Variants in IL21R observed in about 807,000 individuals in gnomAD.
The protein encoded by IL21R is interleukin-21 receptor.
A neutral mutation model predicts 41.3 loss-of-function variants in IL21R; 14 were observed. That is an observed-to-expected ratio of 0.34 (90% CI 0.22 to 0.53). IL21R has a LOEUF of 0.53. IL21R is among the 20% of genes least tolerant of loss of function. The probability of loss-of-function intolerance (pLI) is 0.94; values close to 1 mark genes in which losing one functional copy is unlikely to be tolerated. For missense variants in IL21R, 588 were observed against 681.6 expected, an observed-to-expected ratio of 0.86 and a Z score of 1.53; for synonymous variants, 286 against 287.6, an observed-to-expected ratio of 0.99 and a Z score of 0.05.
intron 1 of IL21R, among the ~76,000 whole-genome samples, chr16:27,425,215 G>A (rs1189286480): frequency 6.6e-6 from 1 of 152,150 alleles, no homozygotes; most frequent in Non-Finnish European, 1.5e-5. Context: ...ACACATGGTG[G>A]CCCGATCTGT....
At chr16:27,441,132 A>T (rs2087382443) in intron 4 of IL21R, among the ~76,000 whole-genome samples, 1 of 151,668 alleles carries the variant, frequency 6.6e-6, no homozygotes, top group African/African-American at 2.4e-5. Context: ...AGGAAGGAGA[A>T]CAAAAAAAGA....
chr16:27,434,294 C>T, intron 2 of IL21R, 53 bp from the exon 3 acceptor site: 2 of 1,159,612 alleles, frequency 1.7e-6, no homozygotes, highest in Admixed American at 1.7e-5. Flanking sequence ...AGAGGAAGCT[C>T]TGCAGTCCCA....
chr16:27,442,356 T>C (rs2087403749), intron 4 of IL21R, among the ~76,000 whole-genome samples: 1 of 152,088 alleles, frequency 6.6e-6, no homozygotes, highest in Admixed American at 6.6e-5. Flanking sequence ...TTTAACTCTT[T>C]TATTTATTTA....
At chr16:27,436,133 C>T (rs762277844) in intron 3 of IL21R, among the ~76,000 whole-genome samples, 2 of 152,240 alleles carry the variant, frequency 1.3e-5, no homozygotes, top group African/African-American at 4.8e-5. Flanking sequence ...CCACACAGGT[C>T]GCCCATGGTT....
intron 1 of IL21R, among the ~76,000 whole-genome samples, chr16:27,429,084 C>T (rs755959533): frequency 9.2e-5 from 14 of 152,130 alleles, no homozygotes; most frequent in South Asian, 4.2e-4. Context: ...ATTAGCCAGG[C>T]GTGGTGGCGG....
intron 1 of IL21R, among the ~76,000 whole-genome samples, chr16:27,408,618 T>G (rs1348457251): frequency 6.6e-6 from 1 of 152,100 alleles, no homozygotes; most frequent in African/African-American, 2.4e-5. Flanking sequence ...TAGGAGTTCT[T>G]TCTTCTGTGT....
At chr16:27,442,365 T>C (rs918097772) in intron 4 of IL21R, among the ~76,000 whole-genome samples, 2 of 152,110 alleles carry the variant, frequency 1.3e-5, no homozygotes, top group Non-Finnish European at 2.9e-5. Flanking sequence ...TTTATTTATT[T>C]ATTTTTGTTC....
chr16:27,418,516 G>C (rs375598032), intron 1 of IL21R, among the ~76,000 whole-genome samples: 17 of 151,928 alleles, frequency 1.1e-4, no homozygotes, highest in South Asian at 2.1e-4. Context: ...CTACAGGTGC[G>C]CGCCACCACG....
Position 27,449,438 on chromosome 16 carries a change from A to G in IL21R, c.*155A>G, listed in dbSNP as rs1596601367. 17 of 709,988 alleles carry G rather than the reference A, an allele frequency of 2.4e-5. No homozygotes were observed. In the East Asian group the frequency reaches 4.1e-4, roughly 17 times the overall value. The allele number at this position is 709,988 out of a possible 1,614,324, so 44.0% of individuals were successfully genotyped here. On this transcript the variant is annotated 3_prime_UTR_variant, in exon 9 of 9. Transcript: ENST00000337929. Reference sequence around the variant, plus strand: ...ACAGTGTCTGTGTGTGTGTGTGCATATGTGTGTGTGTGCATATGCATGTGT... The same window carrying G: ...ACAGTGTCTGTGTGTGTGTGTGCATGTGTGTGTGTGTGCATATGCATGTGT...
chr16:27,417,468 A>G (rs916322607), intron 1 of IL21R, among the ~76,000 whole-genome samples: 2 of 152,186 alleles, frequency 1.3e-5, no homozygotes, highest in African/African-American at 2.4e-5. Flanking sequence ...CATCTGGTCA[A>G]TTCTTTTCAC....
intron 4 of IL21R, among the ~76,000 whole-genome samples, chr16:27,440,248 T>TATAGAGAGAGAGAGAG (rs1352160946): frequency 3.0e-4 from 19 of 64,038 alleles, no homozygotes; most frequent in African/African-American, 6.1e-4. Context: ...TATATATATA[T>TATAGAGAGAGAGAGAG]AGAGAGAGAG....
At chr16:27,433,969 C>T (rs1055390845) in intron 2 of IL21R, among the ~76,000 whole-genome samples, 2 of 152,114 alleles carry the variant, frequency 1.3e-5, no homozygotes, top group African/African-American at 4.8e-5. Flanking sequence ...TGGCTGGGTT[C>T]CTACCACATC....
In IL21R at chr16:27,442,139, C is replaced by T. The variant is rs114569254; in HGVS notation, c.353-823C>T. Among the ~76,000 whole-genome samples the T allele has an allele frequency of 2.1e-3, 327 of 152,138 alleles. 3 individuals are homozygous for T. Among genetic ancestry groups the T allele is most frequent in the African/African-American group, 6.9e-3 (285 of 41,508 alleles). On this transcript the variant is annotated intron_variant, in intron 4 of 8. Transcript: ENST00000337929. ...CAGGGTTTCAGATTTCATGTGTGTG[C>T]GTGTGCATTTGTGTGTGTGCATGCT...
Position 27,434,420 on chromosome 16 carries a change from C to T in IL21R, c.123C>T (p.Asn41=), listed in dbSNP as rs1436476558. 1.2e-6 allele frequency: 2 copies of T among 1,613,772 alleles called. No individual in the cohort carries two copies. The highest frequency in any genetic ancestry group is 1.7e-6 in the Non-Finnish European group (2 of 1,179,738). ...TCATCTGCATCCTGGAAATGTGGAA[C>T]CTCCACCCCAGCACGCTCACCCTTA... ...QTVICILEMW[N]LHPSTLTLTW... is the part of the protein sequence containing the mutation. The change falls in exon 3 of 9, where the codon AAC becomes AAT. Residue 41 remains asparagine, a synonymous_variant. Coordinates refer to ENST00000337929, the MANE Select transcript of IL21R (RefSeq NM_181078.3).
At chr16:27,427,005 G>C (rs2087088517) in intron 1 of IL21R, among the ~76,000 whole-genome samples, 1 of 152,112 alleles carries the variant, frequency 6.6e-6, no homozygotes, top group South Asian at 2.1e-4. Flanking sequence ...CAGTATGGCT[G>C]TCATTTTCAA....
At chr16:27,445,304 G>A in intron 7 of IL21R, 28 bp downstream of exon 7, 1 of 1,500,746 alleles carries the variant, frequency 6.7e-7, no homozygotes, top group African/African-American at 1.4e-5. Context: ...GGAAGGCAGG[G>A]AGGTGGTCAG....
chr16:27,445,972 G>C (rs765112790), intron 7 of IL21R, 35 bp from the exon 8 acceptor site: 2 of 1,560,586 alleles, frequency 1.3e-6, no homozygotes. Context: ...GCCCTCTGGT[G>C]ATGTCAGGGT....
intron 1 of IL21R, among the ~76,000 whole-genome samples, chr16:27,414,524 G>A (rs998235830): frequency 6.6e-6 from 1 of 152,010 alleles, no homozygotes; most frequent in East Asian, 1.9e-4. Flanking sequence ...TTAATGTCAA[G>A]TTTTGGTATT....
At chr16:27,444,357 C>T (rs1024048804) in intron 5 of IL21R, among the ~76,000 whole-genome samples, 185 bp from the exon 6 acceptor site, 1 of 152,062 alleles carries the variant, frequency 6.6e-6, no homozygotes, top group East Asian at 2.0e-4. Context: ...ACGGGCCAGG[C>T]AGTGCTGGTG....
Sources: gnomAD v4.1 joint callset for allele counts (sites outside exome capture counted in the v4.1 genomes callset) on GRCh38, gnomAD v4.1.1 for gene constraint, MANE v1.5 for transcripts, NCBI Gene and HGNC (gene_info 2026-07-23, HGNC 2026-07-21) for gene names.